UNC13C: variants seen among roughly 807,000 people sequenced by gnomAD.
UNC13C encodes protein unc-13 homolog C.
In UNC13C, 174 loss-of-function variants were observed where a neutral mutation model predicts 245.4. The ratio of observed to expected loss-of-function variants is 0.71; its 90% CI spans 0.63 to 0.80. The LOEUF (loss-of-function observed/expected upper bound fraction) is 0.80, where lower values mean the gene tolerates loss of function less well. Among genes scored for constraint, UNC13C ranks in the 30% least tolerant of loss-of-function variants. The pLI is 0.00. For missense variants in UNC13C, 2,829 were observed against 2,602.9 expected, an observed-to-expected ratio of 1.09 and a Z score of -1.89; for synonymous variants, 992 against 895.1, an observed-to-expected ratio of 1.11 and a Z score of -1.93.
intron 4 of UNC13C, among the ~76,000 whole-genome samples, chr15:54,173,994 G>A (rs1468624851): frequency 6.6e-6 from 1 of 152,042 alleles, no homozygotes; most frequent in African/African-American, 2.4e-5. Context: ...GAATTAAATT[G>A]ATTGGTTATC....
At chr15:54,470,236 G>T (rs1892388758) in intron 19 of UNC13C, among the ~76,000 whole-genome samples, 2 of 151,374 alleles carry the variant, frequency 1.3e-5, no homozygotes, top group African/African-American at 2.4e-5. Context: ...GTCTGGCTTT[G>T]GTATCAGTTT....
chr15:54,140,152 T>C (rs1277461272), intron 2 of UNC13C, among the ~76,000 whole-genome samples: 2 of 152,192 alleles, frequency 1.3e-5, no homozygotes, highest in South Asian at 2.1e-4. Flanking sequence ...TGTTTATTAA[T>C]CCAGTTACAC....
intron 19 of UNC13C, among the ~76,000 whole-genome samples, chr15:54,456,368 G>C (rs1891525272): frequency 6.6e-6 from 1 of 151,932 alleles, no homozygotes; most frequent in Non-Finnish European, 1.5e-5. Context: ...CTTTAGGATT[G>C]TTCTTTTCTA....
chr15:53,965,570 A>AT, the UNC13C span, among the ~76,000 whole-genome samples: 38 of 133,422 alleles, frequency 2.8e-4, no homozygotes, highest in African/African-American at 5.9e-4. Flanking sequence ...TTATTTATTT[A>AT]TTATTATTAT....
At chr15:53,893,537 T>G in the UNC13C span, among the ~76,000 whole-genome samples, 2 of 152,232 alleles carry the variant, frequency 1.3e-5, no homozygotes, top group African/African-American at 2.4e-5. Context: ...TGCCTTTTTT[T>G]CAGAGATGCC....
intron 8 of UNC13C, among the ~76,000 whole-genome samples, chr15:54,259,066 G>A (rs1348224585): frequency 6.6e-6 from 1 of 152,234 alleles, no homozygotes; most frequent in Non-Finnish European, 1.5e-5. Flanking sequence ...TCACATAGTA[G>A]AAGGGGCAAG....
At chr15:54,561,407 C>T (rs533954264) in intron 29 of UNC13C, among the ~76,000 whole-genome samples, 2 of 152,010 alleles carry the variant, frequency 1.3e-5, no homozygotes, top group East Asian at 1.9e-4. Context: ...AGTATGGACT[C>T]GAGATCAGGA....
rs537402111 is a variant in UNC13C, at chr15:54,140,477, T to C, written c.2984-2541T>C. On this transcript the variant is annotated intron_variant, in intron 2 of 32. Coordinates refer to ENST00000260323, the MANE Select transcript of UNC13C (RefSeq NM_001080534.3). The stretch of plus-strand genomic sequence containing the variant: ...CTGAAAGGATTGCAGATAAGGAAAC[T>C]GGCAAAGGATGAAGATTAGCAAAGA... Among the ~76,000 whole-genome samples the C allele has an allele frequency of 1.3e-5, 2 of 152,264 alleles. 1 individual carries two copies. Among genetic ancestry groups the C allele is most frequent in the Admixed American group, 1.3e-4 (2 of 15,284 alleles).
chr15:54,499,091 T>C (rs1369595736), intron 20 of UNC13C, among the ~76,000 whole-genome samples: 2 of 152,116 alleles, frequency 1.3e-5, no homozygotes, highest in Non-Finnish European at 2.9e-5. Context: ...CTCACAGTTC[T>C]GCAGGCTGTA....
At chr15:54,585,296 C>G (rs950310502) in intron 30 of UNC13C, among the ~76,000 whole-genome samples, 6 of 152,126 alleles carry the variant, frequency 3.9e-5, no homozygotes, top group Admixed American at 2.0e-4. Context: ...TCACTGAGAT[C>G]TGGTTGTTAA....
the UNC13C span, among the ~76,000 whole-genome samples, chr15:53,898,574 G>A: frequency 2.0e-5 from 3 of 152,222 alleles, no homozygotes; most frequent in East Asian, 5.8e-4. Context: ...GAATCAAAAG[G>A]TATTGGCTCC....
the UNC13C span, chr15:53,947,843 A>G: frequency 6.6e-6 from 1 of 152,228 alleles, no homozygotes; most frequent in East Asian, 1.9e-4. Context: ...TTCACTGTAG[A>G]GGAACACATG....
intron 4 of UNC13C, among the ~76,000 whole-genome samples, chr15:54,193,231 C>T (rs532614454): frequency 1.3e-5 from 2 of 152,204 alleles, no homozygotes; most frequent in South Asian, 2.1e-4. Context: ...TGTTAAGAGT[C>T]GTTACATATC....
intron 30 of UNC13C, among the ~76,000 whole-genome samples, chr15:54,612,165 T>C (rs1055599518): frequency 1.3e-5 from 2 of 152,102 alleles, no homozygotes; most frequent in Non-Finnish European, 2.9e-5. Flanking sequence ...CCTGGAATCA[T>C]TGTTTTAATT....
the UNC13C span, among the ~76,000 whole-genome samples, chr15:53,877,209 G>T: frequency 2.0e-5 from 3 of 152,062 alleles, no homozygotes; most frequent in Non-Finnish European, 4.4e-5. Flanking sequence ...TACTCAATTT[G>T]ATTAGCTGAA....
chr15:54,449,210 T>G (rs1891013755), intron 19 of UNC13C, among the ~76,000 whole-genome samples: 1 of 152,160 alleles, frequency 6.6e-6, no homozygotes, highest in African/African-American at 2.4e-5. Flanking sequence ...CCTTAAAATT[T>G]TTTCCTTCAT....
intron 4 of UNC13C, among the ~76,000 whole-genome samples, chr15:54,180,931 A>G (rs1032507146): frequency 5.3e-5 from 8 of 151,604 alleles, no homozygotes; most frequent in Non-Finnish European, 1.2e-4. Flanking sequence ...ATGTTTTCCT[A>G]TTTTCTAGGT....
intron 17 of UNC13C, among the ~76,000 whole-genome samples, chr15:54,343,855 C>T (rs976289311): frequency 1.3e-5 from 2 of 151,986 alleles, no homozygotes; most frequent in African/African-American, 4.8e-5. Flanking sequence ...AGGGGAGGGG[C>T]TTACTGGATA....
the UNC13C span, among the ~76,000 whole-genome samples, chr15:53,923,137 G>C: frequency 1.3e-5 from 2 of 152,286 alleles, no homozygotes; most frequent in East Asian, 3.9e-4. Context: ...CTGAACTACT[G>C]CTTAATCTGT....
Sources: gnomAD v4.1 joint callset for allele counts (sites outside exome capture counted in the v4.1 genomes callset) on GRCh38, gnomAD v4.1.1 for gene constraint, MANE v1.5 for transcripts, NCBI Gene and HGNC (gene_info 2026-07-23, HGNC 2026-07-21) for gene names.